The following PPARGC1A variants were observed in gnomAD, a reference collection of about 807,000 sequenced individuals.
PPARGC1A encodes peroxisome proliferator-activated receptor gamma coactivator 1-alpha.
In PPARGC1A, 25 loss-of-function variants were observed where a neutral mutation model predicts 88.7. The observed-to-expected ratio is 0.28, with a 90% CI of 0.21 to 0.39. The LOEUF is 0.39. PPARGC1A is among the 10% of genes least tolerant of loss of function. The pLI, the probability that PPARGC1A is intolerant of heterozygous loss-of-function variation, is 1.00. For missense variants in PPARGC1A, 880 were observed against 968.7 expected (o/e 0.91, Z 1.22); for synonymous variants, 363 against 355.6 (o/e 1.02, Z -0.24).
the PPARGC1A span, among the ~76,000 whole-genome samples, chr4:24,362,350 C>CTGGATGGATGGATGGA: frequency 6.6e-3 from 987 of 149,054 alleles, 15 homozygotes; most frequent in African/African-American, 0.019. Context: ...GAACACATGA[C>CTGGATGGATGGATGGA]TGGATGGATG....
At chr4:24,089,520 T>A in the PPARGC1A span, among the ~76,000 whole-genome samples, 2 of 143,594 alleles carry the variant, frequency 1.4e-5, 1 homozygote, top group Non-Finnish European at 3.1e-5. Context: ...CTTTCTTTTT[T>A]TTTTTTTTGA....
chr4:24,171,542 C>T, the PPARGC1A span, among the ~76,000 whole-genome samples: 1 of 152,254 alleles, frequency 6.6e-6, no homozygotes, highest in Non-Finnish European at 1.5e-5. Flanking sequence ...TTACTCTCCC[C>T]TCTAGAGAAC....
At chr4:23,918,510 C>T in the PPARGC1A span, among the ~76,000 whole-genome samples, 2 of 152,274 alleles carry the variant, frequency 1.3e-5, no homozygotes, top group East Asian at 1.9e-4. Context: ...TGAGCCACAG[C>T]ACCCAGTCAA....
chr4:24,170,790 A>G, the PPARGC1A span, among the ~76,000 whole-genome samples: 6 of 152,196 alleles, frequency 3.9e-5, no homozygotes, highest in Non-Finnish European at 7.3e-5. Flanking sequence ...ATCCATCATT[A>G]TAAGATCCCT....
At chr4:24,456,352 GACCATGAATCCTT>G in the PPARGC1A span, among the ~76,000 whole-genome samples, 14 of 152,306 alleles carry the variant, frequency 9.2e-5, no homozygotes, top group Admixed American at 9.2e-4. Flanking sequence ...CACATTGGGT[GACCATGAATCCTT>G]ACCTGGAAGG....
chr4:24,277,449 C>T, the PPARGC1A span, among the ~76,000 whole-genome samples: 1 of 152,104 alleles, frequency 6.6e-6, no homozygotes, highest in Non-Finnish European at 1.5e-5. Context: ...GCCCCCACCC[C>T]TCCAACAGTG....
chr4:24,115,313 T>C, the PPARGC1A span, among the ~76,000 whole-genome samples: 1 of 152,144 alleles, frequency 6.6e-6, no homozygotes, highest in Non-Finnish European at 1.5e-5. Flanking sequence ...AATGATGTCA[T>C]TTTTTTAAAT....
chr4:23,863,300 G>T (rs1170341301), intron 2 of PPARGC1A, among the ~76,000 whole-genome samples: 2 of 152,114 alleles, frequency 1.3e-5, no homozygotes, highest in Middle Eastern at 3.2e-3. Context: ...GATGCCACCA[G>T]ATAACTTTTA....
chr4:24,269,700 G>C, the PPARGC1A span, among the ~76,000 whole-genome samples: 1 of 151,842 alleles, frequency 6.6e-6, no homozygotes, highest in Non-Finnish European at 1.5e-5. Flanking sequence ...AAAACTCAAG[G>C]CTTTGTTGTA....
the PPARGC1A span, among the ~76,000 whole-genome samples, chr4:24,205,550 T>C: frequency 6.6e-6 from 1 of 152,140 alleles, no homozygotes; most frequent in South Asian, 2.1e-4. Flanking sequence ...GTTATAAAAA[T>C]TATGATGTGA....
At chr4:24,353,011 C>G in the PPARGC1A span, among the ~76,000 whole-genome samples, 1 of 152,076 alleles carries the variant, frequency 6.6e-6, no homozygotes, top group Non-Finnish European at 1.5e-5. Flanking sequence ...AGCTGATCAC[C>G]GCCAACGTTC....
chr4:23,898,112 C>T (rs1718829233), intron 1 of PPARGC1A, among the ~76,000 whole-genome samples: 1 of 152,072 alleles, frequency 6.6e-6, no homozygotes, highest in African/African-American at 2.4e-5. Context: ...ATGAGAAGAC[C>T]CTCCTTAAAT....
chr4:23,838,770 C>T (rs1726501681), intron 2 of PPARGC1A, among the ~76,000 whole-genome samples: 1 of 152,126 alleles, frequency 6.6e-6, no homozygotes. Flanking sequence ...ACTTGAAATA[C>T]CACGTGTGTA....
chr4:24,145,094 T>A, the PPARGC1A span, among the ~76,000 whole-genome samples: 1 of 151,838 alleles, frequency 6.6e-6, no homozygotes, highest in African/African-American at 2.4e-5. Flanking sequence ...TGTGTGTGTG[T>A]GTGTGTGTGT....
At chr4:24,182,465 C>T in the PPARGC1A span, among the ~76,000 whole-genome samples, 1 of 152,256 alleles carries the variant, frequency 6.6e-6, no homozygotes, top group Non-Finnish European at 1.5e-5. Flanking sequence ...CATACGTGTG[C>T]ATGTGTCTTT....
the PPARGC1A span, among the ~76,000 whole-genome samples, chr4:24,076,411 T>C: frequency 6.6e-6 from 1 of 152,190 alleles, no homozygotes; most frequent in African/African-American, 2.4e-5. Flanking sequence ...AGCATATTTT[T>C]CTGCCTCTTA....
At chr4:24,249,182 T>C in the PPARGC1A span, among the ~76,000 whole-genome samples, 30 of 152,112 alleles carry the variant, frequency 2.0e-4, no homozygotes, top group Non-Finnish European at 4.1e-4. Flanking sequence ...GTCTATATCC[T>C]GAACTAAATC....
the PPARGC1A span, among the ~76,000 whole-genome samples, chr4:24,285,494 A>T: frequency 6.6e-6 from 1 of 152,202 alleles, no homozygotes; most frequent in Non-Finnish European, 1.5e-5. Context: ...TTGATGTTTC[A>T]TGGTAGAGAA....
the PPARGC1A span, among the ~76,000 whole-genome samples, chr4:24,364,705 G>A: frequency 6.6e-6 from 1 of 152,038 alleles, no homozygotes; most frequent in Non-Finnish European, 1.5e-5. Flanking sequence ...ATATTTCTGT[G>A]TGAATATACA....
Sources: allele counts gnomAD v4.1 joint callset (sites outside exome capture counted in the v4.1 genomes callset), GRCh38; gene constraint gnomAD v4.1.1; transcripts MANE v1.5; gene names NCBI Gene and HGNC (gene_info 2026-07-23, HGNC 2026-07-21).